The following FMNL2 variants were observed in gnomAD, a reference collection of about 807,000 sequenced individuals.
The protein encoded by FMNL2 is formin-like protein 2.
FMNL2 carries 51 observed loss-of-function variants against 130.2 expected under a neutral mutation model. The observed-to-expected ratio is 0.39, with a 90% confidence interval of 0.31 to 0.49. The LOEUF (loss-of-function observed/expected upper bound fraction) is 0.49. Among genes scored for constraint, FMNL2 ranks in the 20% least tolerant of loss-of-function variants. The pLI is 0.85. For missense variants in FMNL2, 977 were observed against 1,316.2 expected, an observed-to-expected ratio of 0.74 and a Z score of 3.99; for synonymous variants, 465 against 467.1, an observed-to-expected ratio of 1.00 and a Z score of 0.06.
intron 2 of FMNL2, among the ~76,000 whole-genome samples, chr2:152,532,761 C>A (rs867780167): frequency 2.6e-5 from 4 of 151,966 alleles, no homozygotes; most frequent in Admixed American, 2.6e-4. Flanking sequence ...GCATGCACCA[C>A]CATGCCCAGC....
chr2:152,550,260 G>A (rs899475981), intron 4 of FMNL2, among the ~76,000 whole-genome samples: 2 of 152,184 alleles, frequency 1.3e-5, no homozygotes, highest in Non-Finnish European at 2.9e-5. Context: ...TTTAGAAACT[G>A]TAGAAATGCT....
At chr2:152,528,697 C>T (rs1693529122) in intron 2 of FMNL2, among the ~76,000 whole-genome samples, 1 of 152,172 alleles carries the variant, frequency 6.6e-6, no homozygotes, top group African/African-American at 2.4e-5. Flanking sequence ...GAGGTTAGGA[C>T]ATGGCCATAT....
At chr2:152,434,491 A>C (rs1435529794) in intron 1 of FMNL2, among the ~76,000 whole-genome samples, 1 of 152,132 alleles carries the variant, frequency 6.6e-6, no homozygotes, top group African/African-American at 2.4e-5. Flanking sequence ...GCACACAAAA[A>C]CTTGAGTGCT....
chr2:152,427,935 A>G (rs957246129), intron 1 of FMNL2, among the ~76,000 whole-genome samples: 1 of 152,234 alleles, frequency 6.6e-6, no homozygotes, highest in Middle Eastern at 3.2e-3. Flanking sequence ...CTCTACCTTT[A>G]AAACAATACA....
At chr2:152,520,078 G>GT (rs201951197) in intron 1 of FMNL2, among the ~76,000 whole-genome samples, 4 of 151,904 alleles carry the variant, frequency 2.6e-5, no homozygotes, top group African/African-American at 7.3e-5. Context: ...TATCCCAGGA[G>GT]TTTTTTTTTA....
intron 3 of FMNL2, among the ~76,000 whole-genome samples, chr2:152,546,004 A>C (rs1558952784): frequency 6.6e-6 from 1 of 152,138 alleles, no homozygotes; most frequent in African/African-American, 2.4e-5. Context: ...TGCTGCTGTT[A>C]TTATTACCTC....
chr2:152,609,279 C>T (rs1698557301), intron 10 of FMNL2, among the ~76,000 whole-genome samples: 2 of 152,154 alleles, frequency 1.3e-5, no homozygotes, highest in African/African-American at 4.8e-5. Flanking sequence ...AGATAGTTGC[C>T]TCTTAGGCAT....
chr2:152,548,998 G>A, intron 3 of FMNL2, 23 bp from the exon 4 acceptor site: 1 of 1,577,684 alleles, frequency 6.3e-7, no homozygotes, highest in Non-Finnish European at 8.6e-7. Context: ...TATTTTGTGA[G>A]AATATGTGTT....
chr2:152,438,909 T>TGCCG (rs1387935732), intron 1 of FMNL2, among the ~76,000 whole-genome samples: 1 of 152,200 alleles, frequency 6.6e-6, no homozygotes, highest in East Asian at 1.9e-4. Context: ...AATCATCAGT[T>TGCCG]GCCGGCACTT....
chr2:152,582,797 T>C (rs1171045613), intron 9 of FMNL2, among the ~76,000 whole-genome samples: 1 of 152,222 alleles, frequency 6.6e-6, no homozygotes, highest in Non-Finnish European at 1.5e-5. Flanking sequence ...TTTGAAAATA[T>C]TGCATGCTGA....
At chr2:152,434,537 C>G (rs1005762978) in intron 1 of FMNL2, among the ~76,000 whole-genome samples, 3 of 152,048 alleles carry the variant, frequency 2.0e-5, no homozygotes, top group Admixed American at 1.3e-4. Flanking sequence ...CCCAGCTGGC[C>G]CCTGATTTTA....
chr2:152,383,938 C>G (rs1259690090), intron 1 of FMNL2, among the ~76,000 whole-genome samples: 1 of 152,086 alleles, frequency 6.6e-6, no homozygotes, highest in Non-Finnish European at 1.5e-5. Flanking sequence ...GGGGAGCTAC[C>G]ATATGTTATA....
At chr2:152,602,753 C>G (rs1698148163) in intron 9 of FMNL2, among the ~76,000 whole-genome samples, 1 of 152,178 alleles carries the variant, frequency 6.6e-6, no homozygotes, top group Non-Finnish European at 1.5e-5. Flanking sequence ...CAAATATGCT[C>G]CTGGCTCTTA....
At chr2:152,441,385 G>A (rs1419305527) in intron 1 of FMNL2, among the ~76,000 whole-genome samples, 1 of 152,172 alleles carries the variant, frequency 6.6e-6, no homozygotes, top group Non-Finnish European at 1.5e-5. Context: ...GTAAAAAGGG[G>A]AGGAAAGACA....
At chr2:152,424,567 T>G (rs1443126525) in intron 1 of FMNL2, among the ~76,000 whole-genome samples, 1 of 152,140 alleles carries the variant, frequency 6.6e-6, no homozygotes, top group Non-Finnish European at 1.5e-5. Flanking sequence ...ATTTTTATAT[T>G]TTTAACAGAG....
chr2:152,377,771 A>C (rs1332077982), intron 1 of FMNL2, among the ~76,000 whole-genome samples: 2 of 152,228 alleles, frequency 1.3e-5, no homozygotes, highest in Non-Finnish European at 2.9e-5. Context: ...TGCTAAAATA[A>C]TCATACTTGC....
chr2:152,509,737 CTTT>C (rs138976882), intron 1 of FMNL2, among the ~76,000 whole-genome samples: 724 of 58,626 alleles, frequency 0.012, 10 homozygotes, highest in Middle Eastern at 0.024. Flanking sequence ...TACTCTGGAC[CTTT>C]TTTTTTTTTT....
chr2:152,414,654 C>T (rs769254357), intron 1 of FMNL2, among the ~76,000 whole-genome samples: 1 of 152,186 alleles, frequency 6.6e-6, no homozygotes, highest in Non-Finnish European at 1.5e-5. Flanking sequence ...ATGGCCCTGG[C>T]ATCTGGAGAG....
At chr2:152,553,804 C>A (rs962135769) in intron 4 of FMNL2, among the ~76,000 whole-genome samples, 5 of 148,522 alleles carry the variant, frequency 3.4e-5, no homozygotes, top group South Asian at 2.1e-4. Flanking sequence ...TCTTCAAATC[C>A]AAAAAAAAAT....
Sources: gnomAD v4.1 joint callset for allele counts (sites outside exome capture counted in the v4.1 genomes callset) on GRCh38, gnomAD v4.1.1 for gene constraint, MANE v1.5 for transcripts, NCBI Gene and HGNC (gene_info 2026-07-23, HGNC 2026-07-21) for gene names.